The following NRG1 variants were observed in gnomAD, a reference collection of about 807,000 sequenced individuals.
NRG1 encodes the protein pro-neuregulin-1, membrane-bound isoform.
NRG1 carries 18 observed loss-of-function variants against 63.8 expected under a neutral mutation model. That is an observed-to-expected ratio of 0.28 (90% CI 0.19 to 0.42). The LOEUF (loss-of-function observed/expected upper bound fraction) is 0.42, where lower values mean the gene tolerates loss of function less well. NRG1 is among the 10% of genes least tolerant of loss of function. NRG1 has a pLI of 1.00. For synonymous variants in NRG1, 302 were observed against 301.3 expected, an observed-to-expected ratio of 1.00 and a Z score of -0.02; for missense variants, 762 against 814.7, an observed-to-expected ratio of 0.94 and a Z score of 0.79.
intron 5 of NRG1, among the ~76,000 whole-genome samples, chr8:32,672,191 C>T (rs575026947): frequency 2.0e-4 from 31 of 152,056 alleles, no homozygotes; most frequent in African/African-American, 7.2e-4. Context: ...ACTACAGGCA[C>T]GTGCCACCAC....
intron 5 of NRG1, among the ~76,000 whole-genome samples, chr8:32,682,775 T>C (rs997232074): frequency 1.3e-5 from 2 of 152,138 alleles, no homozygotes; most frequent in Non-Finnish European, 2.9e-5. Flanking sequence ...AGAAAACTTA[T>C]GTTGTCTTTT....
chr8:31,956,494 C>T (rs972157125), intron 1 of NRG1, among the ~76,000 whole-genome samples: 1 of 151,610 alleles, frequency 6.6e-6, no homozygotes, highest in African/African-American at 2.4e-5. Flanking sequence ...GTGGCGGGTG[C>T]CCCCCTGTAG....
At chr8:32,536,649 G>A (rs1054836543) in intron 1 of NRG1, among the ~76,000 whole-genome samples, 4 of 152,168 alleles carry the variant, frequency 2.6e-5, no homozygotes, top group Non-Finnish European at 2.9e-5. Flanking sequence ...TGGGCCGAGC[G>A]CGGTGGCTCA....
In NRG1 at chr8:32,734,471, A is replaced by T. The variant is rs543758897; in HGVS notation, c.632+6393A>T. 2.7e-4 allele frequency among the ~76,000 whole-genome samples: 41 copies of T among 152,334 alleles called. 1 individual carries two copies. The South Asian group carries it at 3.1e-3, about 12-fold the overall frequency. On this transcript the variant is annotated intron_variant, in intron 6 of 11. Coordinates refer to ENST00000356819, the Ensembl canonical transcript of NRG1. ...TATTTGTAGTATTGCTGCTAACACCAATACCAGCCTAGAAGAGTTCTTTCT... is the reference window on the plus strand; with the variant it reads ...TATTTGTAGTATTGCTGCTAACACCTATACCAGCCTAGAAGAGTTCTTTCT...
At position 32,323,595 on chromosome 8, in the gene NRG1, G is replaced by A. The variant is rs371655151; in HGVS notation, c.38-272233G>A. Among the ~76,000 whole-genome samples the A allele has an allele frequency of 2.4e-3, 358 of 152,330 alleles. 1 individual carries two copies. Among genetic ancestry groups the A allele is most frequent in the African/African-American group, 8.1e-3 (336 of 41,584 alleles). On this transcript the variant is annotated intron_variant, in intron 1 of 10. Coordinates refer to the NRG1 transcript ENST00000519301. The stretch of plus-strand genomic sequence containing the variant: ...AATTGTGAGCTCTAAATGATAAAAC[G>A]TTGAGTCATAGGTTATCACTGTACA...
At chr8:32,750,132 T>A (rs1440318938) in intron 7 of NRG1, among the ~76,000 whole-genome samples, 1 of 152,220 alleles carries the variant, frequency 6.6e-6, no homozygotes, top group Non-Finnish European at 1.5e-5. Flanking sequence ...TCAGATTTTC[T>A]GGAGATACTC....
intron 1 of NRG1, among the ~76,000 whole-genome samples, chr8:31,886,318 G>C (rs1050634628): frequency 3.3e-5 from 5 of 152,186 alleles, no homozygotes; most frequent in African/African-American, 1.2e-4. Flanking sequence ...CTCATCCAGA[G>C]ATGATCCATG....
intron 1 of NRG1, among the ~76,000 whole-genome samples, chr8:32,106,948 C>T (rs192977941): frequency 7.8e-4 from 118 of 152,156 alleles, no homozygotes; most frequent in Non-Finnish European, 1.3e-3. Context: ...TTTGGCCAGC[C>T]GCAGTGGCTC....
At chr8:32,369,007 C>A (rs887896907) in intron 1 of NRG1, among the ~76,000 whole-genome samples, 1 of 152,172 alleles carries the variant, frequency 6.6e-6, no homozygotes, top group African/African-American at 2.4e-5. Flanking sequence ...GCAAACAGTG[C>A]ATGCTAACAT....
chr8:32,728,672 C>T (rs1268154567), intron 6 of NRG1: 4 of 984,038 alleles, frequency 4.1e-6, no homozygotes, highest in South Asian at 9.4e-5. Flanking sequence ...TATGTAGCAT[C>T]CCTGTGGGTG....
chr8:31,671,803 T>C lies in NRG1; in HGVS notation c.37+32372T>C, dbSNP rs193159079. On this transcript the variant is annotated intron_variant, in intron 1 of 10. Coordinates refer to the NRG1 transcript ENST00000519301. ...ATTTTACAGGAGGAGAAAATCAATG[T>C]CAGTAGGAAAAAAGATACGTACAAA... Among the ~76,000 whole-genome samples the C allele has an allele frequency of 7.8e-4, 119 of 152,080 alleles. 2 individuals carry two copies. Among genetic ancestry groups the C allele is most frequent in the African/African-American group, 2.6e-3 (109 of 41,510 alleles).
In NRG1 at chr8:31,796,414, C is replaced by CTTTTTTTTTTTTTTTT. The variant is rs1158508289; in HGVS notation, c.37+157004_37+157019dup. On this transcript the variant is annotated intron_variant, in intron 1 of 10. Coordinates refer to the NRG1 transcript ENST00000519301. ...ATAACCAAATAAGATGGCGTATAAT[C>CTTTTTTTTTTTTTTTT]TTTTTTTTTTTTTTTTTTTTTTTTT... Among the ~76,000 whole-genome samples, 3 of 43,340 alleles carry CTTTTTTTTTTTTTTTT rather than the reference C, an allele frequency of 6.9e-5. 1 individual carries two copies. Among genetic ancestry groups the CTTTTTTTTTTTTTTTT allele is most frequent in the Non-Finnish European group, 1.2e-4 (3 of 24,460 alleles). 28.4% of individuals were successfully genotyped at this position (43,340 alleles called of 152,430 possible). A position where few individuals can be genotyped will look rare whatever the true frequency, so the allele number is the denominator to read the frequency against.
chr8:32,335,333 T>C lies in NRG1; in HGVS notation c.38-260495T>C, dbSNP rs199768617. ...AATTCAGTGTGGGTGAGCTTACCAG[T>C]TCCTTTCCAGAAAACAATTGTGATT... On this transcript the variant is annotated intron_variant, in intron 1 of 10. Coordinates refer to the NRG1 transcript ENST00000519301. 2.6e-5 allele frequency among the ~76,000 whole-genome samples: 4 copies of C among 152,314 alleles called. No homozygotes were observed. In the East Asian group the frequency reaches 7.7e-4, roughly 29 times the overall value.
At chr8:32,067,132 A>T (rs1824970406) in intron 1 of NRG1, among the ~76,000 whole-genome samples, 1 of 152,206 alleles carries the variant, frequency 6.6e-6, no homozygotes, top group Non-Finnish European at 1.5e-5. Flanking sequence ...TATCATCTCC[A>T]AACAGGGACA....
At chr8:32,549,371 A>G (rs1261910419) in intron 1 of NRG1, among the ~76,000 whole-genome samples, 1 of 152,206 alleles carries the variant, frequency 6.6e-6, no homozygotes, top group Non-Finnish European at 1.5e-5. Flanking sequence ...CAAGCGATGT[A>G]GAGTGCGCGC....
intron 1 of NRG1, among the ~76,000 whole-genome samples, chr8:32,110,363 G>A (rs1831849690): frequency 6.6e-6 from 1 of 152,026 alleles, no homozygotes; most frequent in East Asian, 1.9e-4. Flanking sequence ...GAGAATGGAA[G>A]GAGAACTGAG....
intron 1 of NRG1, among the ~76,000 whole-genome samples, chr8:32,420,741 A>G (rs1816611178): frequency 1.3e-5 from 2 of 152,132 alleles, no homozygotes; most frequent in Admixed American, 1.3e-4. Context: ...TTGCCATTAT[A>G]CTATCAGATA....
chr8:31,758,558 C>T (rs1055824837), intron 1 of NRG1, among the ~76,000 whole-genome samples: 1 of 152,058 alleles, frequency 6.6e-6, no homozygotes, highest in Non-Finnish European at 1.5e-5. Flanking sequence ...AGTTCATGTC[C>T]TTTTCAAGGA....
chr8:31,860,361 GT>G (rs1473808544), intron 1 of NRG1, among the ~76,000 whole-genome samples: 1 of 152,200 alleles, frequency 6.6e-6, no homozygotes. Flanking sequence ...TAGGAGAGCA[GT>G]TTTGTGCAGC....
Sources: allele counts gnomAD v4.1 joint callset (sites outside exome capture counted in the v4.1 genomes callset), GRCh38; gene constraint gnomAD v4.1.1; transcripts MANE v1.5; gene names NCBI Gene and HGNC (gene_info 2026-07-23, HGNC 2026-07-21).